The following PIK3AP1 variants were observed in gnomAD, a reference collection of about 807,000 sequenced individuals.
The protein encoded by PIK3AP1 is phosphoinositide 3-kinase adapter protein 1.
A neutral mutation model predicts 88.1 loss-of-function variants in PIK3AP1; 21 were observed. The ratio of observed to expected loss-of-function variants is 0.24; its 90% CI spans 0.17 to 0.34. The LOEUF (loss-of-function observed/expected upper bound fraction) is 0.34, where lower values mean the gene tolerates loss of function less well. Among genes scored for constraint, PIK3AP1 ranks in the 10% least tolerant of loss-of-function variants. PIK3AP1 has a pLI of 1.00. For synonymous variants in PIK3AP1, 398 were observed against 400.0 expected (o/e 1.00, Z 0.06); for missense variants, 828 against 1,035.7 (o/e 0.80, Z 2.75).
intron 7 of PIK3AP1, among the ~76,000 whole-genome samples, chr10:96,646,610 A>G (rs1843463869): frequency 6.6e-6 from 1 of 152,110 alleles, no homozygotes; most frequent in Non-Finnish European, 1.5e-5. Flanking sequence ...GTCACTCCGC[A>G]GCTTGGCACA....
chr10:96,611,174 T>C (rs777128129), intron 13 of PIK3AP1, among the ~76,000 whole-genome samples: 6 of 151,984 alleles, frequency 3.9e-5, no homozygotes, highest in Non-Finnish European at 8.8e-5. Flanking sequence ...ATGATCAGAG[T>C]GGATTGTTGG....
At chr10:96,653,688 A>G (rs1407263224) in intron 3 of PIK3AP1, among the ~76,000 whole-genome samples, 1 of 151,842 alleles carries the variant, frequency 6.6e-6, no homozygotes, top group African/African-American at 2.4e-5. Context: ...GGGTTTCACC[A>G]TATTGGCCAG....
intron 12 of PIK3AP1, among the ~76,000 whole-genome samples, chr10:96,618,968 C>T (rs1843038210): frequency 1.3e-5 from 2 of 152,298 alleles, no homozygotes; most frequent in South Asian, 4.1e-4. Flanking sequence ...GGGAGGGAGG[C>T]AGCTGGCAGA....
chr10:96,664,322 G>T (rs1449694012), intron 2 of PIK3AP1, among the ~76,000 whole-genome samples: 3 of 152,168 alleles, frequency 2.0e-5, no homozygotes, highest in Non-Finnish European at 4.4e-5. Flanking sequence ...TATAAAAAAT[G>T]CATTTTAAAA....
At chr10:96,657,716 G>A (rs1843634063) in intron 2 of PIK3AP1, among the ~76,000 whole-genome samples, 1 of 152,016 alleles carries the variant, frequency 6.6e-6, no homozygotes, top group Admixed American at 6.6e-5. Context: ...CACTTTTCTG[G>A]AGATAGTTCA....
chr10:96,609,616 A>G, intron 14 of PIK3AP1, 96 bp downstream of exon 14: 1 of 1,401,568 alleles, frequency 7.1e-7, no homozygotes, highest in Non-Finnish European at 9.6e-7. Context: ...CCCACTGGAG[A>G]TCTCCTGGGC....
intron 2 of PIK3AP1, among the ~76,000 whole-genome samples, chr10:96,665,391 C>G (rs983885683): frequency 6.6e-6 from 1 of 152,216 alleles, no homozygotes; most frequent in Non-Finnish European, 1.5e-5. Flanking sequence ...GGCCCTTGCT[C>G]GGTGACAAAT....
intron 6 of PIK3AP1, among the ~76,000 whole-genome samples, chr10:96,649,375 A>T (rs1843506455): frequency 6.6e-6 from 1 of 152,196 alleles, no homozygotes; most frequent in African/African-American, 2.4e-5. Flanking sequence ...AAATCTAATA[A>T]TGAATACCCT....
At chr10:96,700,684 C>T in intron 2 of PIK3AP1, 1 of 452,716 alleles carries the variant, frequency 2.2e-6, no homozygotes, top group Non-Finnish European at 2.9e-6. Flanking sequence ...CAACAGCCCA[C>T]AGGCACAAGG....
chr10:96,620,185 G>A (rs553120346), intron 12 of PIK3AP1, among the ~76,000 whole-genome samples, 167 bp downstream of exon 12: 21 of 152,140 alleles, frequency 1.4e-4, no homozygotes, highest in African/African-American at 2.4e-5. Flanking sequence ...GTTACAGACC[G>A]AGGTGACACT....
chr10:96,650,583 G>A (rs935272625), intron 6 of PIK3AP1, among the ~76,000 whole-genome samples: 1 of 152,240 alleles, frequency 6.6e-6, no homozygotes, highest in African/African-American at 2.4e-5. Context: ...GCTGAGGAGT[G>A]CTAGGTCAAT....
At chr10:96,599,937 C>A (rs1175618289) in intron 16 of PIK3AP1, among the ~76,000 whole-genome samples, 2 of 152,170 alleles carry the variant, frequency 1.3e-5, no homozygotes, top group Non-Finnish European at 2.9e-5. Context: ...TAGTTTCTAT[C>A]CTTTAATTTT....
intron 16 of PIK3AP1, among the ~76,000 whole-genome samples, chr10:96,598,637 CAG>C (rs1316744751): frequency 6.6e-6 from 1 of 152,186 alleles, no homozygotes; most frequent in Admixed American, 6.5e-5. Context: ...GGTCGCAACA[CAG>C]AGTGTATTAT....
intron 16 of PIK3AP1, among the ~76,000 whole-genome samples, chr10:96,598,005 A>T (rs1848808929): frequency 6.6e-6 from 1 of 150,654 alleles, no homozygotes. Context: ...TTATAATTGC[A>T]GACCTATAAT....
At chr10:96,697,997 A>C (rs1209263936) in intron 2 of PIK3AP1, among the ~76,000 whole-genome samples, 2 of 152,202 alleles carry the variant, frequency 1.3e-5, no homozygotes, top group Non-Finnish European at 2.9e-5. Flanking sequence ...CCATATCAAC[A>C]CAAAGAGAAC....
chr10:96,630,937 T>C (rs1843236669), intron 8 of PIK3AP1, among the ~76,000 whole-genome samples: 1 of 152,184 alleles, frequency 6.6e-6, no homozygotes, highest in Non-Finnish European at 1.5e-5. Context: ...GACTCTGTAC[T>C]GCCTTCCTTC....
chr10:96,635,029 G>A (rs548139375), intron 8 of PIK3AP1, among the ~76,000 whole-genome samples: 5 of 152,234 alleles, frequency 3.3e-5, no homozygotes, highest in East Asian at 1.9e-4. Flanking sequence ...GTTTTCTGAC[G>A]CCCTCTTCCA....
At chr10:96,688,880 C>T (rs998223576) in intron 2 of PIK3AP1, among the ~76,000 whole-genome samples, 8 of 151,836 alleles carry the variant, frequency 5.3e-5, no homozygotes, top group African/African-American at 1.9e-4. Context: ...AATTAAAATA[C>T]GCATTACCCC....
At chr10:96,687,811 G>A (rs1191187784) in intron 2 of PIK3AP1, among the ~76,000 whole-genome samples, 2 of 152,056 alleles carry the variant, frequency 1.3e-5, no homozygotes, top group South Asian at 2.1e-4. Flanking sequence ...CTAGTCTGTG[G>A]AACTCACCAC....
Sources: gnomAD v4.1 joint callset for allele counts (sites outside exome capture counted in the v4.1 genomes callset) on GRCh38, gnomAD v4.1.1 for gene constraint, MANE v1.5 for transcripts, NCBI Gene and HGNC (gene_info 2026-07-23, HGNC 2026-07-21) for gene names.